CWH43: variants seen among roughly 807,000 people sequenced by gnomAD.
CWH43 encodes PGAP2-interacting protein.
In CWH43, 91 loss-of-function variants were observed where a neutral mutation model predicts 85.7. That is an observed-to-expected ratio of 1.06 (90% CI 0.90 to 1.26). The LOEUF (loss-of-function observed/expected upper bound fraction) is 1.26, where lower values mean the gene tolerates loss of function less well. Among genes scored for constraint, CWH43 ranks in the 50% most tolerant of loss-of-function variants. The probability of loss-of-function intolerance (pLI) is 0.00; values close to 1 mark genes in which losing one functional copy is unlikely to be tolerated. For missense variants in CWH43, 869 were observed against 839.2 expected (o/e 1.04, Z -0.44); for synonymous variants, 323 against 293.6 (o/e 1.10, Z -1.02).
intron 10 of CWH43, among the ~76,000 whole-genome samples, chr4:49,030,602 A>G (rs1784064525): frequency 6.6e-6 from 1 of 152,192 alleles, no homozygotes; most frequent in Admixed American, 6.5e-5. Flanking sequence ...CCTTCTTGGT[A>G]GTTCCTGGAG....
chr4:48,999,894 T>G (rs1324750306), intron 6 of CWH43, among the ~76,000 whole-genome samples: 1 of 152,178 alleles, frequency 6.6e-6, no homozygotes, highest in African/African-American at 2.4e-5. Context: ...GAAGTATCAG[T>G]GAAGACAATC....
chr4:49,036,063 G>A (rs1216264062), intron 12 of CWH43, among the ~76,000 whole-genome samples: 1 of 152,202 alleles, frequency 6.6e-6, no homozygotes, highest in Non-Finnish European at 1.5e-5. Flanking sequence ...GAAGGAACAG[G>A]CAGAGAAAAC....
At chr4:49,029,068 G>A (rs1467902476) in intron 10 of CWH43, among the ~76,000 whole-genome samples, 1 of 152,126 alleles carries the variant, frequency 6.6e-6, no homozygotes, top group South Asian at 2.1e-4. Context: ...CACTGTTGGG[G>A]ACCAGAAGAC....
intron 14 of CWH43, among the ~76,000 whole-genome samples, chr4:49,046,314 A>G (rs951859335): frequency 5.3e-5 from 8 of 151,920 alleles, no homozygotes; most frequent in African/African-American, 1.9e-4. Context: ...CTAACCATTC[A>G]TTCATTCATT....
intron 15 of CWH43, among the ~76,000 whole-genome samples, chr4:49,056,462 T>G (rs75170204): frequency 3.8e-4 from 58 of 152,302 alleles, no homozygotes; most frequent in African/African-American, 1.3e-3. Flanking sequence ...GGCATATTAT[T>G]GCTCATAGTA....
At chr4:49,061,348 T>C (rs939839636) in intron 15 of CWH43, among the ~76,000 whole-genome samples, 4 of 152,196 alleles carry the variant, frequency 2.6e-5, no homozygotes, top group Non-Finnish European at 5.9e-5. Context: ...GCTTTCTTCC[T>C]AGTGTCTTTT....
At chr4:49,032,837 C>T (rs1577691931) in intron 12 of CWH43, 122 bp downstream of exon 12, 7 of 1,220,906 alleles carry the variant, frequency 5.7e-6, no homozygotes, top group Non-Finnish European at 2.3e-6. Context: ...AAGTATTTCT[C>T]CCTGCGTTGC....
intron 12 of CWH43, among the ~76,000 whole-genome samples, chr4:49,035,739 A>G (rs545561653): frequency 9.9e-5 from 15 of 152,260 alleles, no homozygotes; most frequent in African/African-American, 3.1e-4. Flanking sequence ...TACTCTCACT[A>G]GGTAAGATTT....
chr4:49,002,392 T>C (rs1783018419), intron 6 of CWH43, among the ~76,000 whole-genome samples: 1 of 152,210 alleles, frequency 6.6e-6, no homozygotes, highest in African/African-American at 2.4e-5. Flanking sequence ...AAAAATTATT[T>C]ACACTAGTAA....
intron 10 of CWH43, among the ~76,000 whole-genome samples, chr4:49,029,838 G>A (rs2768974): frequency 0.58 from 88,508 of 152,046 alleles, 28,915 homozygotes; most frequent in Admixed American, 0.75. Context: ...CTTTGCTCAC[G>A]TTTTCCTGCC....
chr4:49,015,768 A>G (rs377345974), intron 8 of CWH43, among the ~76,000 whole-genome samples: 3 of 152,066 alleles, frequency 2.0e-5, no homozygotes, highest in East Asian at 1.9e-4. Context: ...CTAACTCTCT[A>G]TTCAGCTTTG....
chr4:49,032,720 G>T lies in CWH43; in HGVS notation c.1658+5G>T, dbSNP rs761295328. 3.5e-5 allele frequency: 56 copies of T among 1,613,696 alleles called. No homozygotes were observed. The highest frequency in any genetic ancestry group is 4.7e-5 in the Non-Finnish European group (55 of 1,179,772). ...GACACACTTTGGGAACCACGAGTGGGTTTCTTTGGCCCACCTAATATTACA... is the reference window on the plus strand; with the variant it reads ...GACACACTTTGGGAACCACGAGTGGTTTTCTTTGGCCCACCTAATATTACA... On this transcript the variant is annotated splice_donor_5th_base_variant and intron_variant, in intron 12 of 15. Transcript: ENST00000226432.
In CWH43 at chr4:49,030,956, T is replaced by C; in HGVS notation, c.1504T>C (p.Trp502Arg). Residue 502 changes from tryptophan (W) to arginine (R), a missense_variant, in exon 11 of 16, where the codon TGG becomes CGG. This residue lies in a region of CWH43 where 577 missense variants were observed against 513.1 expected (regional missense o/e 1.12). Coordinates refer to ENST00000226432, the MANE Select transcript of CWH43 (RefSeq NM_025087.3). ...DFGPSTRYHT[W>R]GIMALSRYPI... ...TGGTCCAAGCACAAGGTATCACACT[T>C]GGGGGTGAGTATACCTTGGGAGTTA... 1.3e-6 allele frequency: 2 copies of C among 1,587,722 alleles called. No individual in the cohort carries two copies. Among genetic ancestry groups the C allele is most frequent in the Non-Finnish European group, 1.7e-6 (2 of 1,170,854 alleles).
At chr4:49,013,379 T>C (rs1197637681) in intron 8 of CWH43, among the ~76,000 whole-genome samples, 2 of 152,220 alleles carry the variant, frequency 1.3e-5, no homozygotes, top group African/African-American at 4.8e-5. Flanking sequence ...GTGTCCTGTT[T>C]TTCCAGGTAC....
chr4:49,009,916 G>A (rs1471052230), intron 8 of CWH43, among the ~76,000 whole-genome samples: 1 of 152,124 alleles, frequency 6.6e-6, no homozygotes, highest in African/African-American at 2.4e-5. Flanking sequence ...ATGTATATCA[G>A]GGATATTGGT....
At chr4:49,053,945 T>G (rs1171211840) in intron 15 of CWH43, among the ~76,000 whole-genome samples, 1 of 152,190 alleles carries the variant, frequency 6.6e-6, no homozygotes, top group Non-Finnish European at 1.5e-5. Context: ...TGTAAATATA[T>G]TCTCTCATCC....
intron 8 of CWH43, among the ~76,000 whole-genome samples, chr4:49,013,570 G>A (rs901506552): frequency 6.6e-6 from 1 of 152,200 alleles, no homozygotes; most frequent in Non-Finnish European, 1.5e-5. Flanking sequence ...CCTGTCTTCT[G>A]TGTCGATCAT....
At chr4:49,028,161 AT>A (rs1411464975) in intron 9 of CWH43, among the ~76,000 whole-genome samples, 2 of 152,036 alleles carry the variant, frequency 1.3e-5, no homozygotes, top group Middle Eastern at 3.4e-3. Context: ...CCTAGACAAT[AT>A]TTTTTTCTAT....
intron 8 of CWH43, 113 bp downstream of exon 8, chr4:49,007,439 C>T: frequency 2.4e-6 from 3 of 1,238,752 alleles, no homozygotes; most frequent in South Asian, 2.3e-5. Context: ...CAGCAATTCT[C>T]AACATTTTGC....
Sources: gnomAD v4.1 joint callset for allele counts (sites outside exome capture counted in the v4.1 genomes callset) on GRCh38, gnomAD v4.1.1 for gene constraint, gnomAD v4.1.1 regional missense constraint, MANE v1.5 for transcripts, NCBI Gene and HGNC (gene_info 2026-07-23, HGNC 2026-07-21) for gene names.